TAF4B: variants seen among roughly 807,000 people sequenced by gnomAD.
The protein encoded by TAF4B is transcription initiation factor TFIID subunit 4B.
Under a neutral mutation model 86.4 loss-of-function variants are expected in TAF4B, and 38 were observed. The ratio of observed to expected loss-of-function variants is 0.44; its 90% CI spans 0.34 to 0.58. The LOEUF is 0.58. Among genes scored for constraint, TAF4B ranks in the 20% least tolerant of loss-of-function variants. TAF4B has a pLI of 0.02. For synonymous variants in TAF4B, 388 were observed against 391.2 expected (o/e 0.99, Z 0.10); for missense variants, 988 against 1,027.6 (o/e 0.96, Z 0.53).
chr18:26,238,071 A>G (rs1281080791), intron 1 of TAF4B, among the ~76,000 whole-genome samples: 1 of 152,172 alleles, frequency 6.6e-6, no homozygotes, highest in Non-Finnish European at 1.5e-5. Flanking sequence ...GGACCAAGGA[A>G]TGTCAGATTT....
chr18:26,344,230 C>T (rs546080357), intron 13 of TAF4B, among the ~76,000 whole-genome samples: 1 of 152,174 alleles, frequency 6.6e-6, no homozygotes, highest in East Asian at 1.9e-4. Context: ...ACATCATAAT[C>T]AATCTCTGAA....
intron 14 of TAF4B, among the ~76,000 whole-genome samples, chr18:26,365,544 CAT>C (rs2057366141): frequency 6.6e-6 from 1 of 152,056 alleles, no homozygotes; most frequent in African/African-American, 2.4e-5. Flanking sequence ...TGGTGGTTGA[CAT>C]GTGTGTCTAT....
At chr18:26,259,287 CT>C (rs879761365) in intron 1 of TAF4B, among the ~76,000 whole-genome samples, 29 of 140,972 alleles carry the variant, frequency 2.1e-4, no homozygotes, top group South Asian at 9.1e-4. Context: ...TATTTTTCTT[CT>C]TTTTTTTTTA....
chr18:26,235,421 C>T (rs767077924), intron 1 of TAF4B, among the ~76,000 whole-genome samples: 22 of 152,184 alleles, frequency 1.4e-4, no homozygotes, highest in Non-Finnish European at 3.2e-4. Context: ...AGATATTTGA[C>T]TTGTTATAGG....
intron 13 of TAF4B, among the ~76,000 whole-genome samples, chr18:26,351,987 G>A (rs890619760): frequency 1.3e-5 from 2 of 152,062 alleles, no homozygotes; most frequent in Admixed American, 6.6e-5. Context: ...ATTTAAGTAT[G>A]TATATTGTAA....
intron 5 of TAF4B, among the ~76,000 whole-genome samples, chr18:26,280,889 G>A (rs2056440251): frequency 6.6e-6 from 1 of 152,120 alleles, no homozygotes; most frequent in Non-Finnish European, 1.5e-5. Context: ...GCCAAGACAT[G>A]GAATCAGCAG....
intron 12 of TAF4B, 25 bp downstream of exon 12, chr18:26,327,165 T>C: frequency 1.2e-6 from 2 of 1,604,602 alleles, no homozygotes; most frequent in Non-Finnish European, 1.7e-6. Context: ...GATTTATGAG[T>C]GAATGTGGCC....
At chr18:26,358,578 CG>C (rs2057306769) in intron 14 of TAF4B, among the ~76,000 whole-genome samples, 1 of 152,072 alleles carries the variant, frequency 6.6e-6, no homozygotes, top group Non-Finnish European at 1.5e-5. Context: ...AACGTGGTGG[CG>C]GGCACCTGTA....
chr18:26,330,984 C>T (rs575628542), intron 12 of TAF4B, among the ~76,000 whole-genome samples: 138 of 152,268 alleles, frequency 9.1e-4, no homozygotes, highest in African/African-American at 3.1e-3. Context: ...ACCCCCACTC[C>T]CTCACCACCT....
rs1382673388 is a variant in TAF4B, at chr18:26,357,802, AATAAT to A, written c.2421+11_2421+15del. The A allele has an allele frequency of 3.8e-6, 6 of 1,568,024 alleles. No homozygotes were observed. Among genetic ancestry groups the A allele is most frequent in the Non-Finnish European group, 5.2e-6 (6 of 1,148,830 alleles). On this transcript the variant is annotated intron_variant, in intron 14 of 14. Coordinates refer to ENST00000269142, the MANE Select transcript of TAF4B (RefSeq NM_005640.3). ...CTAGAATCTGGAATTGAGGTATTGAAATAATATTCATTATTTTATTTTTAATGTCA... is the reference window on the plus strand; with the variant it reads ...CTAGAATCTGGAATTGAGGTATTGAAATTCATTATTTTATTTTTAATGTCA...
Position 26,244,404 on chromosome 18 carries a change from T to C in TAF4B, c.343+17128T>C, listed in dbSNP as rs147355692. Among the ~76,000 whole-genome samples, 1,280 of 152,346 alleles carry C rather than the reference T, an allele frequency of 8.4e-3. 19 individuals carry two copies. The highest frequency in any genetic ancestry group is 0.03 in the African/African-American group (1,228 of 41,582). The stretch of plus-strand genomic sequence containing the variant: ...CGCGTGATATAATCTCCTTGTGTGC[T>C]ATTTGCTAAGACCATTGGAAAAGTG... On this transcript the variant is annotated intron_variant, in intron 1 of 14. Transcript: ENST00000269142.
At chr18:26,346,211 G>A (rs6508438) in intron 13 of TAF4B, among the ~76,000 whole-genome samples, 151,629 of 152,222 alleles carry the variant, frequency 1, 75,522 homozygotes, top group East Asian at 1. Context: ...GTAGAATTCA[G>A]TGAATGAAAT....
At chr18:26,264,845 T>C (rs1252977457) in intron 1 of TAF4B, among the ~76,000 whole-genome samples, 1 of 152,244 alleles carries the variant, frequency 6.6e-6, no homozygotes, top group Non-Finnish European at 1.5e-5. Flanking sequence ...GGTTCTCTAT[T>C]CTATTCCAGT....
chr18:26,386,154 G>T (rs1567934324), intron 14 of TAF4B, among the ~76,000 whole-genome samples: 1 of 152,034 alleles, frequency 6.6e-6, no homozygotes, highest in Non-Finnish European at 1.5e-5. Flanking sequence ...TTATAACATT[G>T]CCTCAGGCTC....
intron 14 of TAF4B, among the ~76,000 whole-genome samples, chr18:26,379,090 A>G (rs1374405522): frequency 6.6e-6 from 1 of 152,122 alleles, no homozygotes; most frequent in African/African-American, 2.4e-5. Flanking sequence ...ATAGGTGTAT[A>G]TTTAATCTTA....
At chr18:26,300,656 A>T (rs1442171426) in intron 9 of TAF4B, among the ~76,000 whole-genome samples, 1 of 152,036 alleles carries the variant, frequency 6.6e-6, no homozygotes, top group Non-Finnish European at 1.5e-5. Flanking sequence ...AGTGTGACTA[A>T]TTTTGATTAA....
At chr18:26,306,846 C>T (rs998382695) in intron 9 of TAF4B, among the ~76,000 whole-genome samples, 172 of 151,686 alleles carry the variant, frequency 1.1e-3, no homozygotes, top group Admixed American at 2.2e-3. Context: ...TGCACGATCT[C>T]GGCTCACTGC....
chr18:26,328,405 G>A (rs995953152), intron 12 of TAF4B, among the ~76,000 whole-genome samples: 4 of 151,914 alleles, frequency 2.6e-5, no homozygotes, highest in African/African-American at 4.8e-5. Context: ...AGCTGAAATC[G>A]TGCCACTACA....
chr18:26,379,535 C>G lies in TAF4B; in HGVS notation c.2422-10310C>G, dbSNP rs184785292. The stretch of plus-strand genomic sequence containing the variant: ...ATGTGGACATATCTATACACATACT[C>G]TATTCTGTTTGTTTATTTTTCTCTA... On this transcript the variant is annotated intron_variant, in intron 14 of 14. Transcript: ENST00000269142. Among the ~76,000 whole-genome samples the G allele has an allele frequency of 2.8e-3, 433 of 152,146 alleles. 5 individuals carry two copies. The highest frequency in any genetic ancestry group is 1.8e-3 in the Non-Finnish European group (125 of 67,908).
Sources: allele counts gnomAD v4.1 joint callset (sites outside exome capture counted in the v4.1 genomes callset), GRCh38; gene constraint gnomAD v4.1.1; transcripts MANE v1.5; gene names NCBI Gene and HGNC (gene_info 2026-07-23, HGNC 2026-07-21).